Variants in RIF1 observed in about 807,000 individuals in gnomAD.
RIF1 encodes replication timing regulatory factor 1, also known as telomere-associated protein RIF1.
Under a neutral mutation model 247.1 loss-of-function variants are expected in RIF1, and 45 were observed. That is an observed-to-expected ratio of 0.18 (90% CI 0.14 to 0.23). RIF1 has a LOEUF of 0.23. Ranked by LOEUF, RIF1 falls within the 10% of genes least tolerant of loss-of-function variation. The pLI is 1.00. For synonymous variants in RIF1, 1,087 were observed against 978.8 expected (o/e 1.11, Z -2.06); for missense variants, 2,967 against 2,862.5 (o/e 1.04, Z -0.83).
Position 151,465,446 on chromosome 2 carries a change from T to C in RIF1, c.5926T>C (p.Ser1976Pro), listed in dbSNP as rs1218175900. ...GGAATTTAATTCAGATATTAGTCTT[T>C]CTGATAATACTACACCTGTAAAATT... ...TEEFNSDISL[S>P]DNTTPVKLNA... is the part of the protein sequence containing the mutation. Residue 1976 changes from serine to proline, a missense_variant, in exon 30 of 36, where the codon TCT (serine) becomes CCT (proline). Transcript: ENST00000444746. The C allele has an allele frequency of 6.2e-7, 1 of 1,613,944 alleles. No individual in the cohort carries two copies. Among genetic ancestry groups the C allele is most frequent in the Admixed American group, 1.7e-5 (1 of 59,984 alleles).
chr2:151,497,922 A>T (rs1442645288), intron 10 of RIF1: 5 of 1,465,848 alleles, frequency 3.4e-6, no homozygotes, highest in South Asian at 2.9e-5. Context: ...GCTGCTGAGG[A>T]AGGGCTGTCA....
chr2:151,488,168 TTAG>T (rs2052678649), intron 9 of RIF1, among the ~76,000 whole-genome samples: 2 of 152,138 alleles, frequency 1.3e-5, no homozygotes, highest in South Asian at 4.1e-4. Context: ...TCAGTGAATT[TTAG>T]AGTTCTTTAT....
intron 10 of RIF1, chr2:151,496,872 G>T: frequency 7.0e-7 from 1 of 1,423,878 alleles, no homozygotes; most frequent in South Asian, 1.3e-5. Flanking sequence ...GGATTAATAT[G>T]TATTATTTTA....
chr2:151,493,279 A>C, intron 9 of RIF1: 1 of 1,127,460 alleles, frequency 8.9e-7, no homozygotes, highest in East Asian at 2.5e-5. Flanking sequence ...TTGAATGAGA[A>C]AGGCGTGTTT....
In RIF1 at chr2:151,493,345, G is replaced by A. The variant is rs374935839; in HGVS notation, c.*416-1884G>A. 8 of 1,597,416 alleles carry A rather than the reference G, an allele frequency of 5.0e-6. No homozygotes were observed. The African/African-American group carries it at 9.4e-5, about 19-fold the overall frequency. On this transcript the variant is annotated intron_variant and NMD_transcript_variant, in intron 9 of 13. Transcript: ENST00000454583. Reference sequence around the variant, plus strand: ...GTTGCACTATTTCTTTTTAGTCCTAGAAAATACCGAGCTAATGTTTTCTTG... The same window carrying A: ...GTTGCACTATTTCTTTTTAGTCCTAAAAAATACCGAGCTAATGTTTTCTTG...
chr2:151,440,838 C>CT (rs1261555408), intron 15 of RIF1, among the ~76,000 whole-genome samples: 1 of 152,142 alleles, frequency 6.6e-6, no homozygotes, highest in Admixed American at 6.5e-5. Flanking sequence ...TAGTTAAAGA[C>CT]TAAGTGAATT....
At chr2:151,452,858 T>G (rs1694559827) in intron 21 of RIF1, among the ~76,000 whole-genome samples, 1 of 152,224 alleles carries the variant, frequency 6.6e-6, no homozygotes, top group Admixed American at 6.5e-5. Flanking sequence ...TAACCGAATA[T>G]CCAATTCAGG....
rs571648997 is a variant in RIF1, at chr2:151,428,245, A to C, written c.787-539A>C. Among the ~76,000 whole-genome samples the C allele has an allele frequency of 7.9e-5, 12 of 152,256 alleles. No homozygotes were observed. In the South Asian group the frequency reaches 2.3e-3, roughly 29 times the overall value. The stretch of plus-strand genomic sequence containing the variant: ...TTCCCTCTCAAAAAAAAGAAAAGTT[A>C]TTCAGTTTTCTTGATTTTTATCTCA... On this transcript the variant is annotated intron_variant, in intron 8 of 35. Coordinates refer to ENST00000444746, the MANE Select transcript of RIF1 (RefSeq NM_018151.5).
Position 151,475,906 on chromosome 2 carries a change from G to A in RIF1, c.*835G>A, listed in dbSNP as rs1289127429. ...GTATATATTAAATACTGAAATATCAGTATCGACGGTGGAAGTGCTTCATGG... is the reference window on the plus strand; with the variant it reads ...GTATATATTAAATACTGAAATATCAATATCGACGGTGGAAGTGCTTCATGG... On this transcript the variant is annotated 3_prime_UTR_variant, in exon 36 of 36. Transcript: ENST00000444746. 2.0e-5 allele frequency: 3 copies of A among 152,552 alleles called. No homozygotes were observed. The highest frequency in any genetic ancestry group is 4.4e-5 in the Non-Finnish European group (3 of 68,008). 9.4% of individuals were successfully genotyped at this position (152,552 alleles called of 1,614,324 possible). A position where few individuals can be genotyped will look rare whatever the true frequency, so the allele number is the denominator to read the frequency against.
At chr2:151,428,755 A>C (rs1214945876) in intron 8 of RIF1, 29 bp from the exon 9 acceptor site, 1 of 1,548,814 alleles carries the variant, frequency 6.5e-7, no homozygotes, top group East Asian at 2.2e-5. Context: ...CAGATAAATA[A>C]CTTCTTAATG....
At chr2:151,513,053 T>G in the RIF1 span, among the ~76,000 whole-genome samples, 2 of 152,134 alleles carry the variant, frequency 1.3e-5, no homozygotes, top group African/African-American at 4.8e-5. Flanking sequence ...GAAGATTTAG[T>G]TGGATGCAGG....
intron 10 of RIF1, chr2:151,496,331 A>G (rs2060152435): frequency 4.3e-6 from 7 of 1,611,898 alleles, no homozygotes; most frequent in Non-Finnish European, 5.9e-6. Context: ...AGTGACAGCT[A>G]AAGGAGTTCC....
chr2:151,531,078 G>C, the RIF1 span: 2 of 1,611,762 alleles, frequency 1.2e-6, no homozygotes, highest in Non-Finnish European at 8.5e-7. Context: ...GTTTGGCCTT[G>C]TTGTATTCCA....
intron 13 of RIF1, among the ~76,000 whole-genome samples, chr2:151,507,305 C>A (rs1309465556): frequency 6.6e-6 from 1 of 152,206 alleles, no homozygotes; most frequent in African/African-American, 2.4e-5. Context: ...TGATAGTTCA[C>A]ATTCAGTAAA....
Position 151,423,031 on chromosome 2 carries a change from C to T in RIF1, c.775C>T (p.Leu259=). 6.4e-7 allele frequency: 1 copy of T among 1,571,254 alleles called. No homozygotes were observed. The highest frequency in any genetic ancestry group is 8.8e-7 in the Non-Finnish European group (1 of 1,142,526). Residue 259 remains leucine (L), a synonymous_variant, in exon 8 of 36, where the codon CTA becomes TTA. Coordinates refer to ENST00000444746, the MANE Select transcript of RIF1 (RefSeq NM_018151.5). Reference sequence around the variant, plus strand: ...AAAATTATGGCCTTTGTTTGTCAAACTACTTGGAAGGGTAAGTGCCCAGTT... The same window carrying T: ...AAAATTATGGCCTTTGTTTGTCAAATTACTTGGAAGGGTAAGTGCCCAGTT... The part of the protein sequence containing the change: ...VLKLWPLFVK[L]LGRTLHRSGS...
downstream of RIF1, among the ~76,000 whole-genome samples, chr2:151,484,237 T>C (rs562399486): frequency 9.8e-4 from 150 of 152,362 alleles, 1 homozygote; most frequent in Non-Finnish European, 2.2e-4. Context: ...GGTTCTGTTG[T>C]TCTTTGCAAT....
rs752435091 is a variant in RIF1 at position 151,440,117 on chromosome 2, C to T, written c.1637C>T (p.Ser546Leu). ...GTAAAGTCTGAAGTATTTCCTGTAT[C>T]AAAAACGCTGGTAAGTATAATACCC... ...SIVKSEVFPV[S>L]KTLVLMEITI... Residue 546 changes from serine (S) to leucine (L), a missense_variant, in exon 15 of 36, where the codon TCA becomes TTA. Ser to Leu is a moderately radical substitution (Grantham distance 145, BLOSUM62 -2). Transcript: ENST00000444746. 18 of 1,550,756 alleles carry T rather than the reference C, an allele frequency of 1.2e-5. No homozygotes were observed. Among genetic ancestry groups the T allele is most frequent in the Admixed American group, 3.6e-5 (2 of 55,366 alleles).
chr2:151,533,616 C>T, the RIF1 span: 1 of 957,964 alleles, frequency 1.0e-6, no homozygotes, highest in Non-Finnish European at 1.6e-6. Context: ...GCTCTATATC[C>T]CAATCACCTC....
intron 10 of RIF1, chr2:151,498,134 C>A (rs1170210738): frequency 2.0e-6 from 3 of 1,524,178 alleles, no homozygotes; most frequent in Non-Finnish European, 1.8e-6. Flanking sequence ...AAAGTATATC[C>A]TTTTGTAATA....
Sources: allele counts gnomAD v4.1 joint callset (sites outside exome capture counted in the v4.1 genomes callset), GRCh38; gene constraint gnomAD v4.1.1; transcripts MANE v1.5; gene names NCBI Gene and HGNC (gene_info 2026-07-23, HGNC 2026-07-21).